The following CFAP54 variants were observed in gnomAD, a reference collection of about 807,000 sequenced individuals.
CFAP54 encodes cilia and flagella associated protein 54.
CFAP54 carries 290 observed loss-of-function variants against 370.4 expected under a neutral mutation model. The observed-to-expected ratio is 0.78, with a 90% confidence interval of 0.71 to 0.86. CFAP54 has a LOEUF of 0.86. CFAP54 is among the 40% of genes least tolerant of loss of function. The probability of loss-of-function intolerance (pLI) is 0.00; values close to 1 mark genes in which losing one functional copy is unlikely to be tolerated. For synonymous variants in CFAP54, 1,206 were observed against 1,236.5 expected, an observed-to-expected ratio of 0.98 and a Z score of 0.52; for missense variants, 3,399 against 3,528.7, an observed-to-expected ratio of 0.96 and a Z score of 0.93.
intron 52 of CFAP54, among the ~76,000 whole-genome samples, chr12:96,743,179 C>A (rs1592737169): frequency 6.6e-6 from 1 of 152,124 alleles, no homozygotes; most frequent in East Asian, 1.9e-4. Context: ...TTATCTCATG[C>A]AATATCATCA....
chr12:96,752,035 G>T, intron 55 of CFAP54, among the ~76,000 whole-genome samples: 1 of 148,192 alleles, frequency 6.7e-6, no homozygotes, highest in East Asian at 2.0e-4. Context: ...TCATCAGTGT[G>T]CTGCCATCCC....
rs1489223506 is a variant in CFAP54, at chr12:96,538,519, G to A, written c.1926+1G>A. ...CACCCAGAAAATCAGTACTAACAAA[G>A]TATTCCTTTCGCATTCCCTTTCACG... On this transcript the variant is annotated splice_donor_variant, in intron 13 of 67. Transcript: ENST00000524981. LOFTEE classifies it high-confidence loss of function. 6 of 1,534,632 alleles carry A rather than the reference G, an allele frequency of 3.9e-6. No individual in the cohort carries two copies. The highest frequency in any genetic ancestry group is 5.2e-6 in the Non-Finnish European group (6 of 1,146,046).
rs993186631 is a variant in CFAP54 at position 96,792,402 on chromosome 12, C to T, written c.8753C>T (p.Thr2918Met). ...PVSGSSCVDI[T>M]PIEMVTQASN... ...TCAGGCTCATCTTGTGTGGACATAA[C>T]GCCAATAGAAATGGTAACGCAAGCT... The change falls in exon 63 of 68, where the codon ACG becomes ATG. Residue 2918 changes from threonine (T) to methionine (M), a missense_variant. Around this residue, in one of 3 missense-constraint regions of CFAP54, gnomAD observed 2,796 missense variants for 2,869.7 expected, o/e 0.97. Transcript: ENST00000524981. 38 of 1,535,654 alleles carry T rather than the reference C, an allele frequency of 2.5e-5. No individual in the cohort carries two copies. The highest frequency in any genetic ancestry group is 1.7e-4 in the Middle Eastern group (1 of 6,012).
intron 50 of CFAP54, among the ~76,000 whole-genome samples, chr12:96,729,306 G>A (rs1437208530): frequency 3.3e-5 from 5 of 152,214 alleles, no homozygotes; most frequent in African/African-American, 7.2e-5. Context: ...AGGCCGGCAG[G>A]CCTCCTTGAG....
chr12:96,605,183 A>T (rs1189389797), intron 26 of CFAP54, among the ~76,000 whole-genome samples: 3 of 152,202 alleles, frequency 2.0e-5, no homozygotes, highest in Admixed American at 2.0e-4. Context: ...ACCCTAAAAC[A>T]TTAATTATAT....
intron 9 of CFAP54, among the ~76,000 whole-genome samples, chr12:96,531,352 C>G (rs1404869917): frequency 6.6e-6 from 1 of 151,806 alleles, no homozygotes; most frequent in Non-Finnish European, 1.5e-5. Context: ...ACAATTTTCT[C>G]TTTCTTATGA....
intron 67 of CFAP54, among the ~76,000 whole-genome samples, chr12:96,871,545 C>A (rs1466450647): frequency 6.6e-6 from 1 of 152,084 alleles, no homozygotes; most frequent in African/African-American, 2.4e-5. Context: ...AAAATATCAT[C>A]CACAATCTAG....
At chr12:96,564,867 A>G (rs571271306) in intron 19 of CFAP54, 102 bp downstream of exon 19, 16 of 476,548 alleles carry the variant, frequency 3.4e-5, no homozygotes, top group Non-Finnish European at 5.5e-5. Flanking sequence ...CTTAACATTT[A>G]ATTATGAACT....
intron 2 of CFAP54, among the ~76,000 whole-genome samples, chr12:96,501,402 T>C (rs766633735): frequency 1.2e-4 from 19 of 152,226 alleles, no homozygotes; most frequent in Non-Finnish European, 2.6e-4. Flanking sequence ...TTCTTAATGT[T>C]TTGCTGTATG....
Position 96,491,452 on chromosome 12 carries a change from A to T in CFAP54, c.317+1526A>T, listed in dbSNP as rs577799868. ...GAGATATACATTTGGGATTCATATG[A>T]TATTTAAATGATGACACTTGATGAA... On this transcript the variant is annotated intron_variant, in intron 1 of 67. Transcript: ENST00000524981. Among the ~76,000 whole-genome samples, 124 of 152,336 alleles carry T rather than the reference A, an allele frequency of 8.1e-4. 1 individual carries two copies. The highest frequency in any genetic ancestry group is 2.6e-3 in the African/African-American group (108 of 41,568).
intron 22 of CFAP54, among the ~76,000 whole-genome samples, chr12:96,589,031 G>A (rs1277917357): frequency 1.3e-5 from 2 of 152,160 alleles, no homozygotes; most frequent in Non-Finnish European, 2.9e-5. Flanking sequence ...TTGGGTTTGG[G>A]AAATCTGATT....
At chr12:96,645,408 C>T (rs1016862294) in intron 33 of CFAP54, 3 of 270,056 alleles carry the variant, frequency 1.1e-5, no homozygotes, top group Non-Finnish European at 1.5e-5. Context: ...TGAAGGACCT[C>T]TTCAAGGAGA....
chr12:96,503,660 TCCCATCTCAC>T (rs1955057808), intron 2 of CFAP54, among the ~76,000 whole-genome samples: 1 of 152,144 alleles, frequency 6.6e-6, no homozygotes, highest in Non-Finnish European at 1.5e-5. Flanking sequence ...GTCATGATGG[TCCCATCTCAC>T]ATAGGCTCAT....
intron 50 of CFAP54, among the ~76,000 whole-genome samples, chr12:96,725,489 G>T (rs1236872774): frequency 6.6e-6 from 1 of 151,956 alleles, no homozygotes; most frequent in Non-Finnish European, 1.5e-5. Flanking sequence ...TCTGTTATTG[G>T]TGTATAAGAA....
chr12:96,748,838 T>C (rs1166221956), intron 55 of CFAP54, among the ~76,000 whole-genome samples: 1 of 152,236 alleles, frequency 6.6e-6, no homozygotes, highest in Admixed American at 6.5e-5. Context: ...ATGCCTTTTC[T>C]TTCTCTGCCT....
At chr12:96,835,629 C>T (rs1031018076) in intron 66 of CFAP54, among the ~76,000 whole-genome samples, 1 of 152,212 alleles carries the variant, frequency 6.6e-6, no homozygotes, top group African/African-American at 2.4e-5. Context: ...TGGGAGCAGG[C>T]ACTTCCAAGA....
At position 96,658,020 on chromosome 12, in the gene CFAP54, G is replaced by A; in HGVS notation, c.5239G>A (p.Val1747Ile). ...TGATTTGAAATGGATCCACGACTTT[G>A]TATTAAAATCTCTGGAAGTTTTATA... ...VVDLKWIHDF[V>I]LKSLEVLYQV... The change falls in exon 37 of 68, where the codon GTA becomes ATA. Residue 1747 changes from valine (V) to isoleucine (I), a missense_variant. By Grantham distance (29) the Val-to-Ile change is conservative. This residue lies in a region of CFAP54 where 2,796 missense variants were observed against 2,869.7 expected (regional missense o/e 0.97). Coordinates refer to ENST00000524981, the MANE Select transcript of CFAP54 (RefSeq NM_001306084.2). 24 of 1,613,660 alleles carry A rather than the reference G, an allele frequency of 1.5e-5. No homozygotes were observed. The highest frequency in any genetic ancestry group is 2.0e-5 in the Non-Finnish European group (24 of 1,179,884).
intron 50 of CFAP54, among the ~76,000 whole-genome samples, chr12:96,738,607 CCTTTTTTTT>C (rs1475443014): frequency 1.9e-5 from 1 of 51,390 alleles, no homozygotes; most frequent in African/African-American, 1.2e-4. Flanking sequence ...GTCTAAATCT[CCTTTTTTTT>C]TTTTTTTTTT....
At chr12:96,863,083 A>C (rs2136465441) in intron 67 of CFAP54, among the ~76,000 whole-genome samples, 1 of 152,202 alleles carries the variant, frequency 6.6e-6, no homozygotes, top group Non-Finnish European at 1.5e-5. Context: ...TCTTTACTTT[A>C]GTGAATGTAA....
Sources: gnomAD v4.1 joint callset for allele counts (sites outside exome capture counted in the v4.1 genomes callset) on GRCh38, gnomAD v4.1.1 for gene constraint, gnomAD v4.1.1 regional missense constraint, MANE v1.5 for transcripts, NCBI Gene and HGNC (gene_info 2026-07-23, HGNC 2026-07-21) for gene names.